Variants in IKBKB observed in about 807,000 individuals in gnomAD.
IKBKB encodes inhibitor of nuclear factor kappa B kinase subunit beta.
Under a neutral mutation model 113.6 loss-of-function variants are expected in IKBKB, and 42 were observed. The observed-to-expected ratio is 0.37, with a 90% CI of 0.29 to 0.48. IKBKB has a LOEUF of 0.48. Ranked by LOEUF, IKBKB falls within the 20% of genes least tolerant of loss-of-function variation. The pLI is 0.99. For synonymous variants in IKBKB, 296 were observed against 361.3 expected (o/e 0.82, Z 2.05); for missense variants, 673 against 939.7 (o/e 0.72, Z 3.71).
intron 2 of IKBKB, among the ~76,000 whole-genome samples, chr8:42,281,004 C>T (rs1330627861): frequency 2.6e-5 from 4 of 152,254 alleles, no homozygotes; most frequent in African/African-American, 7.2e-5. Flanking sequence ...TGTGCTTACT[C>T]TCTGATCACA....
chr8:42,305,012 T>TAA, intron 5 of IKBKB, among the ~76,000 whole-genome samples, 175 bp from the exon 6 acceptor site: 1 of 152,232 alleles, frequency 6.6e-6, no homozygotes, highest in Non-Finnish European at 1.5e-5. Context: ...TAAGCCAGAT[T>TAA]CCTGTGGAAG....
At chr8:42,283,723 G>GT (rs1376100099) in intron 2 of IKBKB, among the ~76,000 whole-genome samples, 1 of 152,218 alleles carries the variant, frequency 6.6e-6, no homozygotes, top group African/African-American at 2.4e-5. Flanking sequence ...GAAATAAAGT[G>GT]TGTTATTTTA....
intron 5 of IKBKB, among the ~76,000 whole-genome samples, chr8:42,298,723 G>A (rs1343125093): frequency 2.0e-5 from 3 of 152,116 alleles, no homozygotes; most frequent in Non-Finnish European, 2.9e-5. Flanking sequence ...TGGCCGCAGC[G>A]TCCCCTTCTT....
intron 8 of IKBKB, among the ~76,000 whole-genome samples, chr8:42,312,890 C>T (rs963859086): frequency 4.6e-5 from 7 of 152,126 alleles, no homozygotes; most frequent in African/African-American, 1.4e-4. Context: ...GAGGAAAAAC[C>T]GTAGTTGGAC....
In IKBKB at chr8:42,331,258, C is replaced by T. The variant is rs1821656808; in HGVS notation, c.*279C>T. On this transcript the variant is annotated 3_prime_UTR_variant, in exon 22 of 22. Coordinates refer to ENST00000520810, the MANE Select transcript of IKBKB (RefSeq NM_001556.3). ...GCGCCTTGTCTGCACACTGGAGGTC[C>T]TCCATTACAGAGGCCCAGCGCACAT... 1 of 702,926 alleles carries T rather than the reference C, an allele frequency of 1.4e-6. No individual in the cohort carries two copies. The highest frequency in any genetic ancestry group is 1.7e-5 in the African/African-American group (1 of 57,252). The allele number at this position is 702,926 out of a possible 1,614,324, so 43.5% of individuals were successfully genotyped here.
chr8:42,329,640 G>GGTA, intron 21 of IKBKB: 1 of 985,078 alleles, frequency 1.0e-6, no homozygotes, highest in Non-Finnish European at 1.2e-6. Flanking sequence ...TGAGGAAGAA[G>GGTA]GTAGCATTGT....
At chr8:42,299,880 GC>G (rs1180924928) in intron 5 of IKBKB, among the ~76,000 whole-genome samples, 4 of 152,316 alleles carry the variant, frequency 2.6e-5, no homozygotes, top group South Asian at 4.1e-4. Context: ...CACCTCATTT[GC>G]TCCTTTGACG....
chr8:42,303,644 A>G (rs1298310368), intron 5 of IKBKB, among the ~76,000 whole-genome samples: 2 of 151,972 alleles, frequency 1.3e-5, no homozygotes, highest in Non-Finnish European at 1.5e-5. Flanking sequence ...AGCTGGGATT[A>G]CAGGGGCATG....
intron 2 of IKBKB, among the ~76,000 whole-genome samples, chr8:42,274,698 A>AATTTTTG (rs1808577143): frequency 7.1e-6 from 1 of 140,078 alleles, no homozygotes. Flanking sequence ...ACACCTGGCT[A>AATTTTTG]ATTTTTGTAT....
chr8:42,277,180 ATTTTT>A (rs751878075), intron 2 of IKBKB, among the ~76,000 whole-genome samples: 3 of 84,898 alleles, frequency 3.5e-5, no homozygotes, highest in Admixed American at 1.2e-4. Flanking sequence ...CGTGTGGCTA[ATTTTT>A]TTTTTTTTTT....
intron 21 of IKBKB, chr8:42,330,114 T>A (rs1821495118): frequency 3.0e-6 from 3 of 985,258 alleles, no homozygotes; most frequent in Non-Finnish European, 3.6e-6. Context: ...AGTCATGTGG[T>A]GAGGCTGGAA....
At chr8:42,302,921 A>T (rs1367993407) in intron 5 of IKBKB, among the ~76,000 whole-genome samples, 1 of 152,158 alleles carries the variant, frequency 6.6e-6, no homozygotes, top group Non-Finnish European at 1.5e-5. Flanking sequence ...TTCAGCTTAG[A>T]GTCTTTGCAG....
At chr8:42,323,886 C>A (rs1459940610) in intron 19 of IKBKB, among the ~76,000 whole-genome samples, 1 of 152,184 alleles carries the variant, frequency 6.6e-6, no homozygotes, top group Non-Finnish European at 1.5e-5. Context: ...ATATGCCCAG[C>A]AAGACACACA....
chr8:42,328,310 T>C (rs1821209604), intron 20 of IKBKB, among the ~76,000 whole-genome samples: 1 of 146,754 alleles, frequency 6.8e-6, no homozygotes, highest in Admixed American at 7.1e-5. Flanking sequence ...GCTCCTGGAG[T>C]ATAGTAGCTA....
At chr8:42,329,606 C>T in intron 21 of IKBKB, 1 of 982,562 alleles carries the variant, frequency 1.0e-6, no homozygotes, top group Non-Finnish European at 1.2e-6. Context: ...CTTATTTAAT[C>T]CTTGGAACAC....
At chr8:42,277,092 A>C (rs1242133271) in intron 2 of IKBKB, among the ~76,000 whole-genome samples, 2 of 151,090 alleles carry the variant, frequency 1.3e-5, no homozygotes, top group East Asian at 3.9e-4. Context: ...GGACGGTCTC[A>C]ATCTCCTGAC....
At chr8:42,324,293 C>T (rs117711940) in intron 19 of IKBKB, among the ~76,000 whole-genome samples, 1,893 of 152,206 alleles carry the variant, frequency 0.012, 18 homozygotes, top group Non-Finnish European at 0.021. Flanking sequence ...GAGACAAAGT[C>T]TCGCTCTGTC....
chr8:42,329,895 G>A, intron 21 of IKBKB: 1 of 985,422 alleles, frequency 1.0e-6, no homozygotes, highest in Non-Finnish European at 1.2e-6. Context: ...CTAATCACTT[G>A]CTAACCTCCC....
In IKBKB at chr8:42,331,139, C is replaced by T; in HGVS notation, c.*160C>T. On this transcript the variant is annotated 3_prime_UTR_variant, in exon 22 of 22. Coordinates refer to ENST00000520810, the MANE Select transcript of IKBKB (RefSeq NM_001556.3). ...GGTGGTTCCTGCTGCACTGATGGCC[C>T]AGGGGTCTCTGGTATCCAGATGGAG... 2.8e-6 allele frequency: 3 copies of T among 1,076,914 alleles called. No homozygotes were observed. Among genetic ancestry groups the T allele is most frequent in the South Asian group, 1.3e-5 (1 of 74,862 alleles). The allele number at this position is 1,076,914 out of a possible 1,614,324, so 66.7% of individuals were successfully genotyped here.
Sources: allele counts gnomAD v4.1 joint callset (sites outside exome capture counted in the v4.1 genomes callset), GRCh38; gene constraint gnomAD v4.1.1; transcripts MANE v1.5; gene names NCBI Gene and HGNC (gene_info 2026-07-23, HGNC 2026-07-21).